The following CSMD3 variants were observed in gnomAD, a reference collection of about 807,000 sequenced individuals.
CSMD3 encodes CUB and sushi domain-containing protein 3.
A neutral mutation model predicts 435.2 loss-of-function variants in CSMD3; 177 were observed. That is an observed-to-expected ratio of 0.41 (90% CI 0.36 to 0.46). CSMD3 has a LOEUF of 0.46. CSMD3 is among the 20% of genes least tolerant of loss of function. CSMD3 has a pLI of 0.34. For synonymous variants in CSMD3, 1,656 were observed against 1,520.5 expected (o/e 1.09, Z -2.07); for missense variants, 4,265 against 4,504.6 (o/e 0.95, Z 1.52).
In CSMD3 at chr8:112,256,480, G is replaced by A. The variant is rs369176407; in HGVS notation, c.9863-1053C>T. Among the ~76,000 whole-genome samples, 12 of 152,284 alleles carry A rather than the reference G, an allele frequency of 7.9e-5. No homozygotes were observed. In the East Asian group the frequency reaches 2.1e-3, roughly 27 times the overall value. On this transcript the variant is annotated intron_variant, in intron 61 of 70. Coordinates refer to ENST00000297405, the MANE Select transcript of CSMD3 (RefSeq NM_198123.2). Reference sequence around the variant, plus strand: ...CCTAAGGAAGGGCATTCTAGGTAGAGTAAACAGCACTGCCAAAGCCTTCTG... The same window carrying A: ...CCTAAGGAAGGGCATTCTAGGTAGAATAAACAGCACTGCCAAAGCCTTCTG...
chr8:113,353,835 T>C (rs1212950173), intron 1 of CSMD3, among the ~76,000 whole-genome samples: 2 of 152,106 alleles, frequency 1.3e-5, no homozygotes, highest in African/African-American at 4.8e-5. Context: ...TTTGAAAAAA[T>C]CACTGGCTGA....
At chr8:112,265,262 T>C (rs1185847243) in intron 60 of CSMD3, 149 bp downstream of exon 60, 9 of 403,380 alleles carry the variant, frequency 2.2e-5, no homozygotes, top group Non-Finnish European at 3.4e-5. Flanking sequence ...AAAATAAAAT[T>C]TTTAAGAAAC....
chr8:112,337,115 G>A (rs761609219), intron 43 of CSMD3, among the ~76,000 whole-genome samples: 2 of 152,036 alleles, frequency 1.3e-5, no homozygotes, highest in South Asian at 4.1e-4. Context: ...TCAATGCAAA[G>A]ACTTTAACTT....
chr8:112,389,392 C>T (rs367578332), intron 36 of CSMD3, among the ~76,000 whole-genome samples: 2 of 152,236 alleles, frequency 1.3e-5, no homozygotes, highest in South Asian at 4.1e-4. Flanking sequence ...ATCCCAAAAT[C>T]CTTATTATTC....
chr8:112,973,836 CAGA>C (rs2084748485), intron 7 of CSMD3, among the ~76,000 whole-genome samples: 1 of 151,752 alleles, frequency 6.6e-6, no homozygotes, highest in Admixed American at 6.6e-5. Flanking sequence ...GAAGAAGAAA[CAGA>C]AGAACCAATT....
At chr8:112,760,908 TAA>T (rs1323533808) in intron 13 of CSMD3, among the ~76,000 whole-genome samples, 2 of 152,132 alleles carry the variant, frequency 1.3e-5, no homozygotes, top group Non-Finnish European at 2.9e-5. Flanking sequence ...CTCTTCTTTT[TAA>T]AGTCATAGTA....
At chr8:112,265,645 G>A (rs2130418473) in intron 59 of CSMD3, 55 bp from the exon 60 acceptor site, 4 of 1,244,810 alleles carry the variant, frequency 3.2e-6, no homozygotes, top group Non-Finnish European at 4.7e-6. Flanking sequence ...ATTTAATGGA[G>A]AGGAGTAGTA....
chr8:112,590,956 T>C (rs1586750059), intron 22 of CSMD3, among the ~76,000 whole-genome samples: 1 of 152,222 alleles, frequency 6.6e-6, no homozygotes, highest in East Asian at 1.9e-4. Context: ...AATGTAAAGC[T>C]ATTAATAGGT....
At chr8:112,336,351 C>A (rs1342957736) in intron 44 of CSMD3, among the ~76,000 whole-genome samples, 1 of 151,968 alleles carries the variant, frequency 6.6e-6, no homozygotes, top group Non-Finnish European at 1.5e-5. Flanking sequence ...ACTTCCATAC[C>A]TTAAACTTAA....
chr8:112,979,099 T>C (rs1256450261), intron 6 of CSMD3, among the ~76,000 whole-genome samples: 1 of 151,940 alleles, frequency 6.6e-6, no homozygotes, highest in Non-Finnish European at 1.5e-5. Flanking sequence ...GTGTGGAATC[T>C]GAAGATTAAG....
rs187233235 is a variant in CSMD3 at position 113,025,379 on chromosome 8, C to T, written c.918-6200G>A. 2.9e-3 allele frequency among the ~76,000 whole-genome samples: 445 copies of T among 152,262 alleles called. 1 individual carries two copies. The highest frequency in any genetic ancestry group is 6.8e-3 in the Middle Eastern group (2 of 294). On this transcript the variant is annotated intron_variant, in intron 5 of 70. Coordinates refer to ENST00000297405, the MANE Select transcript of CSMD3 (RefSeq NM_198123.2). ...GTGCAGTTTCTTCAGCTGTAATTCG[C>T]ATCAGCAATGTCTGAGTGTGTCAGT...
At chr8:113,261,482 C>A (rs1030712203) in intron 3 of CSMD3, among the ~76,000 whole-genome samples, 3 of 152,102 alleles carry the variant, frequency 2.0e-5, no homozygotes, top group African/African-American at 7.2e-5. Context: ...ACCTTTATCT[C>A]AGAGCTGCAA....
At chr8:112,952,799 A>G (rs2083871668) in intron 8 of CSMD3, among the ~76,000 whole-genome samples, 2 of 151,612 alleles carry the variant, frequency 1.3e-5, no homozygotes, top group Admixed American at 1.3e-4. Context: ...GAGCAAATTA[A>G]CATTTTTGCC....
Position 113,086,644 on chromosome 8 carries a change from A to G in CSMD3, c.917+12112T>C, listed in dbSNP as rs142381661. ...TTCATCAGGCATATCTACTGAGTATAACAGTGCTGAGTTTGGCTTTACGTA... is the reference window on the plus strand; with the variant it reads ...TTCATCAGGCATATCTACTGAGTATGACAGTGCTGAGTTTGGCTTTACGTA... On this transcript the variant is annotated intron_variant, in intron 5 of 70. Coordinates refer to ENST00000297405, the MANE Select transcript of CSMD3 (RefSeq NM_198123.2). 5.9e-3 allele frequency among the ~76,000 whole-genome samples: 900 copies of G among 152,340 alleles called. 4 individuals carry two copies. Among genetic ancestry groups the G allele is most frequent in the African/African-American group, 0.019 (800 of 41,576 alleles).
chr8:113,146,632 C>A (rs902492791), intron 4 of CSMD3, among the ~76,000 whole-genome samples: 4 of 151,504 alleles, frequency 2.6e-5, no homozygotes, highest in African/African-American at 9.7e-5. Flanking sequence ...GGAAGGTATG[C>A]AAGCCAGAAT....
At chr8:112,602,497 C>T (rs376059632) in intron 22 of CSMD3, among the ~76,000 whole-genome samples, 1 of 149,556 alleles carries the variant, frequency 6.7e-6, no homozygotes, top group Non-Finnish European at 1.5e-5. Flanking sequence ...ACCCAGGAGG[C>T]GGAGGTTGCC....
intron 10 of CSMD3, among the ~76,000 whole-genome samples, chr8:112,910,586 A>G (rs2082383064): frequency 6.6e-6 from 1 of 151,814 alleles, no homozygotes; most frequent in Admixed American, 6.6e-5. Flanking sequence ...TTAACCTCCT[A>G]GGACTGTAAT....
At chr8:112,719,778 T>C (rs1439281303) in intron 13 of CSMD3, among the ~76,000 whole-genome samples, 1 of 152,192 alleles carries the variant, frequency 6.6e-6, no homozygotes, top group South Asian at 2.1e-4. Context: ...GAGTCTTATA[T>C]GTAAATTTGA....
chr8:113,084,472 G>C (rs200774653), intron 5 of CSMD3, among the ~76,000 whole-genome samples: 4 of 151,850 alleles, frequency 2.6e-5, no homozygotes, highest in African/African-American at 9.7e-5. Context: ...AAATGGAAAG[G>C]TATCCCATGC....
Sources: gnomAD v4.1 joint callset for allele counts (sites outside exome capture counted in the v4.1 genomes callset) on GRCh38, gnomAD v4.1.1 for gene constraint, MANE v1.5 for transcripts, NCBI Gene and HGNC (gene_info 2026-07-23, HGNC 2026-07-21) for gene names.